The following EPB41L4A variants were observed in gnomAD, a reference collection of about 807,000 sequenced individuals.
EPB41L4A encodes the protein band 4.1-like protein 4A.
Under a neutral mutation model 108.6 loss-of-function variants are expected in EPB41L4A, and 100 were observed. The ratio of observed to expected loss-of-function variants is 0.92; its 90% CI spans 0.78 to 1.09. The LOEUF (loss-of-function observed/expected upper bound fraction) is 1.09. EPB41L4A is among the 50% of genes least tolerant of loss of function. The pLI is 0.00. For missense variants in EPB41L4A, 1,030 were observed against 842.7 expected (o/e 1.22, Z -2.75); for synonymous variants, 319 against 289.0 (o/e 1.10, Z -1.05).
chr5:112,230,503 A>G lies in EPB41L4A; in HGVS notation c.1087+4131T>C, dbSNP rs1256366717. 2.6e-5 allele frequency among the ~76,000 whole-genome samples: 4 copies of G among 152,050 alleles called. No homozygotes were observed. The East Asian group carries it at 7.7e-4, about 29-fold the overall frequency. On this transcript the variant is annotated intron_variant, in intron 12 of 22. Coordinates refer to ENST00000261486, the MANE Select transcript of EPB41L4A (RefSeq NM_022140.5). ...TTAGTGATGTTGAGCATGTTTTCAC[A>G]TGTTTGTTGGCCATTTGTACATCTC... is the stretch of plus-strand genomic sequence containing the variant.
rs750945497 is a variant in EPB41L4A at position 112,168,761 on chromosome 5, G to A, written c.1910C>T (p.Ser637Phe). The A allele has an allele frequency of 6.2e-6, 10 of 1,613,790 alleles. No individual in the cohort carries two copies. In the South Asian group the frequency reaches 6.6e-5, roughly 11 times the overall value. The change falls in exon 22 of 23, where the codon TCT becomes TTT. Residue 637 changes from serine to phenylalanine, a missense_variant. Ser to Phe is a radical substitution (Grantham distance 155). Coordinates refer to ENST00000261486, the MANE Select transcript of EPB41L4A (RefSeq NM_022140.5). The part of the protein sequence containing the change: ...PVTRSSDAQG[S>F]GDATVHQRRN... ...AACCTGATGAACTGTAGCATCCCCA[G>A]AACCCTGAGCATCCGAAGAACGGGT...
Position 112,209,908 on chromosome 5 carries a change from G to T in EPB41L4A, c.1162C>A (p.Pro388Thr). 6.2e-7 allele frequency: 1 copy of T among 1,600,794 alleles called. No individual in the cohort carries two copies. Among genetic ancestry groups the T allele is most frequent in the Non-Finnish European group, 8.5e-7 (1 of 1,169,802 alleles). ...TTCACTGACCTTTTTACTGGTGAAG[G>T]TGCAATAATTTTAATTGTTCCTTCA... ...ENEGTIKIIA[P>T]SPVKSFKKAK... Residue 388 changes from proline to threonine, a missense_variant, in exon 13 of 23, where the codon CCT becomes ACT. Pro to Thr is a conservative substitution (Grantham distance 38). Transcript: ENST00000261486.
intron 1 of EPB41L4A, among the ~76,000 whole-genome samples, chr5:112,407,682 A>C (rs981674993): frequency 3.9e-5 from 6 of 152,214 alleles, no homozygotes; most frequent in African/African-American, 1.4e-4. Context: ...TTTACAGAAA[A>C]ATCCTACAAG....
At chr5:112,259,056 C>T (rs929595854) in intron 9 of EPB41L4A, among the ~76,000 whole-genome samples, 173 bp downstream of exon 9, 12 of 152,194 alleles carry the variant, frequency 7.9e-5, no homozygotes, top group African/African-American at 2.7e-4. Flanking sequence ...TACCCTCTCA[C>T]TCATTTCTAT....
chr5:112,189,587 T>TAG (rs1761591078), intron 17 of EPB41L4A, among the ~76,000 whole-genome samples: 1 of 152,152 alleles, frequency 6.6e-6, no homozygotes, highest in African/African-American at 2.4e-5. Flanking sequence ...TGTTGTCAAT[T>TAG]TCCTCTAGTT....
At chr5:112,203,638 G>A (rs894494296) in intron 15 of EPB41L4A, among the ~76,000 whole-genome samples, 3 of 152,060 alleles carry the variant, frequency 2.0e-5, no homozygotes, top group African/African-American at 7.2e-5. Flanking sequence ...AATGTAACAG[G>A]ATTCATTTTT....
At chr5:112,301,686 T>A (rs776370202) in intron 2 of EPB41L4A, among the ~76,000 whole-genome samples, 3 of 152,160 alleles carry the variant, frequency 2.0e-5, no homozygotes, top group African/African-American at 7.2e-5. Flanking sequence ...TCCGTCCGAG[T>A]GGGAACTGCA....
intron 12 of EPB41L4A, chr5:112,228,259 AACATCCAGATT>A (rs2150351516): frequency 6.6e-6 from 1 of 152,348 alleles, no homozygotes; most frequent in East Asian, 1.9e-4. Flanking sequence ...AGTTCACATG[AACATCCAGATT>A]TTGTACTTCT....
intron 12 of EPB41L4A, among the ~76,000 whole-genome samples, chr5:112,213,341 GTT>G (rs773664218): frequency 2.9e-5 from 3 of 104,340 alleles, no homozygotes; most frequent in African/African-American, 1.2e-4. Context: ...AACATGTACA[GTT>G]TTTTTTTTTG....
chr5:112,238,593 T>A (rs1363208076), intron 11 of EPB41L4A, among the ~76,000 whole-genome samples: 1 of 152,222 alleles, frequency 6.6e-6, no homozygotes, highest in Non-Finnish European at 1.5e-5. Context: ...GCCTTGGCTT[T>A]TTTTGTACCT....
intron 2 of EPB41L4A, among the ~76,000 whole-genome samples, chr5:112,285,106 A>T (rs1243075620): frequency 6.6e-6 from 1 of 152,210 alleles, no homozygotes; most frequent in African/African-American, 2.4e-5. Flanking sequence ...AAGAAAGGAC[A>T]CCATGAAATA....
intron 7 of EPB41L4A, among the ~76,000 whole-genome samples, chr5:112,260,465 T>C (rs1038967164): frequency 6.6e-6 from 1 of 152,254 alleles, no homozygotes; most frequent in Admixed American, 6.5e-5. Flanking sequence ...AAGGGTGCTT[T>C]TGAATGGCTT....
intron 12 of EPB41L4A, among the ~76,000 whole-genome samples, chr5:112,147,562 C>G (rs1019902782): frequency 6.6e-6 from 1 of 150,912 alleles, no homozygotes; most frequent in Non-Finnish European, 1.5e-5. Context: ...ATCACGAACC[C>G]GGGAGGCAAA....
intron 12 of EPB41L4A, among the ~76,000 whole-genome samples, chr5:112,217,648 T>G (rs1418311128): frequency 6.6e-6 from 1 of 152,198 alleles, no homozygotes; most frequent in African/African-American, 2.4e-5. Context: ...CAATAAGCCA[T>G]GATCACACCA....
At chr5:112,208,244 CAAAA>C (rs68152475) in intron 13 of EPB41L4A, among the ~76,000 whole-genome samples, 1 of 85,110 alleles carries the variant, frequency 1.2e-5, no homozygotes. Context: ...GACTCCATCT[CAAAA>C]AAAAAAAAAA....
chr5:112,379,120 G>A (rs750416177), intron 1 of EPB41L4A, among the ~76,000 whole-genome samples: 2 of 152,156 alleles, frequency 1.3e-5, no homozygotes, highest in Admixed American at 6.5e-5. Context: ...TCCAAGAGGC[G>A]AGCACCCTGG....
At chr5:112,294,015 C>T (rs17134325) in intron 2 of EPB41L4A, among the ~76,000 whole-genome samples, 16,531 of 152,116 alleles carry the variant, frequency 0.11, 1,083 homozygotes, top group East Asian at 0.24. Flanking sequence ...ATTGTTTGAA[C>T]TCAAATCCTC....
chr5:112,286,800 C>A (rs1226810447), intron 2 of EPB41L4A, among the ~76,000 whole-genome samples: 1 of 151,734 alleles, frequency 6.6e-6, no homozygotes, highest in Non-Finnish European at 1.5e-5. Context: ...CAAAACAAAA[C>A]CAAAAAACTT....
At chr5:112,181,268 G>A (rs887198293) in intron 18 of EPB41L4A, among the ~76,000 whole-genome samples, 1 of 151,088 alleles carries the variant, frequency 6.6e-6, no homozygotes, top group Non-Finnish European at 1.5e-5. Flanking sequence ...TGGCTAACAC[G>A]GTGAAACCCC....
Sources: allele counts gnomAD v4.1 joint callset (sites outside exome capture counted in the v4.1 genomes callset), GRCh38; gene constraint gnomAD v4.1.1; transcripts MANE v1.5; gene names NCBI Gene and HGNC (gene_info 2026-07-23, HGNC 2026-07-21).